The following PKP2 variants were observed in gnomAD, a reference collection of about 807,000 sequenced individuals.
The protein encoded by PKP2 is plakophilin-2.
A neutral mutation model predicts 83.4 loss-of-function variants in PKP2; 73 were observed. The ratio of observed to expected loss-of-function variants is 0.88; its 90% confidence interval spans 0.72 to 1.06. The LOEUF is 1.06. Among genes scored for constraint, PKP2 ranks in the 50% least tolerant of loss-of-function variants. The probability of loss-of-function intolerance (pLI) is 0.00; values close to 1 mark genes in which losing one functional copy is unlikely to be tolerated. For synonymous variants in PKP2, 409 were observed against 430.4 expected (o/e 0.95, Z 0.62); for missense variants, 966 against 1,065.4 (o/e 0.91, Z 1.30).
intron 1 of PKP2, among the ~76,000 whole-genome samples, chr12:32,890,696 C>T (rs761525257): frequency 1.3e-5 from 2 of 152,140 alleles, no homozygotes; most frequent in Non-Finnish European, 2.9e-5. Context: ...CGGTGGCTCA[C>T]GCCTGAGATC....
chr12:32,794,742 C>T (rs1592725555), intron 11 of PKP2, among the ~76,000 whole-genome samples: 1 of 152,192 alleles, frequency 6.6e-6, no homozygotes. Flanking sequence ...AAAGACTGAG[C>T]AACTCTAATA....
At position 32,877,941 on chromosome 12, in the gene PKP2, GC is replaced by G. The variant is rs2137946556; in HGVS notation, c.938del (p.Ser313ThrfsTer7). The G allele has an allele frequency of 6.2e-7, 1 of 1,614,114 alleles. No homozygotes were observed. The highest frequency in any genetic ancestry group is 1.1e-5 in the South Asian group (1 of 91,084). On this transcript the variant is annotated frameshift_variant, in exon 3 of 13. Transcript: ENST00000340811. LOFTEE classifies it high-confidence loss of function. ...CGACAGTCAAGTGCGCTCTCCTCCC[GC>G]TGGAATCCACGGCGACACTGGGCCC... is the stretch of plus-strand genomic sequence containing the variant. ...EAGPSVAVDSSGRRAHLTVGQ... is the reference protein window; with the variant it reads ...EAGPSVAVDSXGRRAHLTVGQ...
chr12:32,878,827 G>A (rs1004117768), intron 2 of PKP2, 93 bp downstream of exon 2: 2 of 816,492 alleles, frequency 2.4e-6, no homozygotes, highest in African/African-American at 3.4e-5. Context: ...TAATACTTGG[G>A]AAAAGTAAAC....
chr12:32,870,517 T>TA (rs56413210), intron 3 of PKP2, among the ~76,000 whole-genome samples: 69 of 150,310 alleles, frequency 4.6e-4, no homozygotes, highest in East Asian at 1.2e-3. Flanking sequence ...TTATAATTAG[T>TA]AAAAAAAAAA....
chr12:32,800,989 T>C (rs143618336), intron 10 of PKP2, among the ~76,000 whole-genome samples: 3,367 of 152,350 alleles, frequency 0.022, 48 homozygotes, highest in South Asian at 0.044. Flanking sequence ...AAGCATGTGT[T>C]CAAGCTGACT....
chr12:32,819,267 G>T (rs1480232680), intron 9 of PKP2, among the ~76,000 whole-genome samples: 1 of 150,638 alleles, frequency 6.6e-6, no homozygotes, highest in Admixed American at 6.6e-5. Context: ...AACAGAGTGA[G>T]ATTCCGCCTC....
intron 10 of PKP2, among the ~76,000 whole-genome samples, chr12:32,798,969 G>A (rs1440531449): frequency 1.3e-5 from 2 of 152,290 alleles, no homozygotes; most frequent in African/African-American, 2.4e-5. Flanking sequence ...AATCAGCAGA[G>A]TAAACAGACA....
chr12:32,804,671 T>A (rs1329738387), intron 9 of PKP2, among the ~76,000 whole-genome samples: 1 of 152,244 alleles, frequency 6.6e-6, no homozygotes, highest in Non-Finnish European at 1.5e-5. Flanking sequence ...ATGGTGTGTA[T>A]GTATGACATT....
chr12:32,811,001 G>A (rs1956272127), intron 9 of PKP2, among the ~76,000 whole-genome samples: 1 of 152,168 alleles, frequency 6.6e-6, no homozygotes, highest in African/African-American at 2.4e-5. Context: ...TTTTTTAAAT[G>A]AGAATTTCAG....
At chr12:32,887,592 A>G (rs1957041099) in intron 1 of PKP2, among the ~76,000 whole-genome samples, 1 of 152,142 alleles carries the variant, frequency 6.6e-6, no homozygotes, top group Non-Finnish European at 1.5e-5. Flanking sequence ...TAGCTGGACT[A>G]CAGGTGTGTG....
At chr12:32,843,375 T>C (rs1337922972) in intron 5 of PKP2, 2 of 1,300,578 alleles carry the variant, frequency 1.5e-6, no homozygotes, top group Non-Finnish European at 2.1e-6. Context: ...ACACAGCAAA[T>C]GTGGCAGACT....
At chr12:32,792,788 G>C in intron 11 of PKP2, 57 bp from the exon 12 acceptor site, 39 of 1,314,776 alleles carry the variant, frequency 3.0e-5, no homozygotes, top group Non-Finnish European at 4.2e-5. Context: ...TCTGGATGCG[G>C]CCTGTGGGTG....
chr12:32,879,386 G>A (rs1195742490), intron 1 of PKP2, among the ~76,000 whole-genome samples: 1 of 151,860 alleles, frequency 6.6e-6, no homozygotes, highest in African/African-American at 2.4e-5. Flanking sequence ...ACAAAAATTA[G>A]CTGGGCATAG....
At chr12:32,883,677 C>T (rs1033272478) in intron 1 of PKP2, among the ~76,000 whole-genome samples, 1 of 152,142 alleles carries the variant, frequency 6.6e-6, no homozygotes, top group Non-Finnish European at 1.5e-5. Flanking sequence ...GGCATCTTCC[C>T]TACATTGAAG....
intron 9 of PKP2, among the ~76,000 whole-genome samples, chr12:32,809,630 T>C (rs1162419432): frequency 6.6e-6 from 1 of 151,942 alleles, no homozygotes; most frequent in East Asian, 1.9e-4. Context: ...GGGGCCGGAG[T>C]ATGTAAAACT....
chr12:32,848,698 C>G (rs1956670257), intron 5 of PKP2, among the ~76,000 whole-genome samples: 1 of 152,048 alleles, frequency 6.6e-6, no homozygotes, highest in Admixed American at 6.6e-5. Flanking sequence ...GGGTACTATG[C>G]TGAGTACCTG....
Position 32,791,152 on chromosome 12 carries a change from T to C in PKP2, c.*1272A>G, listed in dbSNP as rs1234712219. ...CAGAATAGTAGTTGTAAAGACTAAC[T>C]CTATATGAATGGTTTTAATCATAGC... On this transcript the variant is annotated 3_prime_UTR_variant, in exon 13 of 13. Transcript: ENST00000340811. 6.6e-6 allele frequency: 1 copy of C among 152,210 alleles called. No homozygotes were observed. Among genetic ancestry groups the C allele is most frequent in the Non-Finnish European group, 1.5e-5 (1 of 68,040 alleles). 9.4% of individuals were successfully genotyped at this position (152,210 alleles called of 1,614,324 possible). A position where few individuals can be genotyped will look rare whatever the true frequency, so the allele number is the denominator to read the frequency against.
intron 1 of PKP2, among the ~76,000 whole-genome samples, chr12:32,883,935 T>C (rs556896663): frequency 2.0e-5 from 3 of 152,296 alleles, no homozygotes; most frequent in Non-Finnish European, 4.4e-5. Flanking sequence ...CCTTACGCCT[T>C]CCTCTCACCC....
intron 6 of PKP2, among the ~76,000 whole-genome samples, chr12:32,840,472 A>AT (rs1956579657): frequency 6.6e-6 from 1 of 151,434 alleles, no homozygotes; most frequent in African/African-American, 2.4e-5. Flanking sequence ...TAATTTTTTC[A>AT]TTTTTTTGTG....
Sources: gnomAD v4.1 joint callset for allele counts (sites outside exome capture counted in the v4.1 genomes callset) on GRCh38, gnomAD v4.1.1 for gene constraint, MANE v1.5 for transcripts, NCBI Gene and HGNC (gene_info 2026-07-23, HGNC 2026-07-21) for gene names.